BACH2: variants seen among roughly 807,000 people sequenced by gnomAD.
BACH2 encodes the protein BACH transcriptional regulator 2.
Under a neutral mutation model 61.8 loss-of-function variants are expected in BACH2, and 5 were observed. The observed-to-expected ratio is 0.08, with a 90% CI of 0.04 to 0.17. BACH2 has a LOEUF of 0.17. BACH2 is among the 10% of genes least tolerant of loss of function. The pLI is 1.00. For missense variants in BACH2, 824 were observed against 1,091.1 expected, an observed-to-expected ratio of 0.76 and a Z score of 3.45; for synonymous variants, 446 against 440.1, an observed-to-expected ratio of 1.01 and a Z score of -0.17.
chr6:89,951,996 A>G lies in BACH2; in HGVS notation c.244-134T>C. The stretch of plus-strand genomic sequence containing the variant: ...ACTGCAAAGGGGCAGTTAATCTTGT[A>G]GTACTGGGTCAGCAATGATTCTGCT... On this transcript the variant is annotated intron_variant, in intron 6 of 8. Coordinates refer to ENST00000257749, the MANE Select transcript of BACH2 (RefSeq NM_021813.4). The surrounding 1 kb of genome is among the most constrained non-coding windows in gnomAD (Gnocchi z 6.4). 9.7e-7 allele frequency: 1 copy of G among 1,032,606 alleles called. No individual in the cohort carries two copies. The highest frequency in any genetic ancestry group is 1.7e-5 in the South Asian group (1 of 60,180). 64.0% of individuals were successfully genotyped at this position (1,032,606 alleles called of 1,614,324 possible).
At chr6:90,014,451 T>TAG (rs1372141159) in intron 5 of BACH2, among the ~76,000 whole-genome samples, 1 of 79,530 alleles carries the variant, frequency 1.3e-5, no homozygotes, top group East Asian at 3.2e-4. Context: ...TATATATATA[T>TAG]ATATATATAT....
chr6:90,012,128 T>C (rs1777759342), intron 5 of BACH2, among the ~76,000 whole-genome samples: 1 of 152,102 alleles, frequency 6.6e-6, no homozygotes, highest in Non-Finnish European at 1.5e-5. Context: ...TATCATAGTG[T>C]CTTGATTTGC....
At chr6:90,011,932 ATGTGTGTGTGTG>A (rs71027919) in intron 5 of BACH2, among the ~76,000 whole-genome samples, 2,258 of 114,290 alleles carry the variant, frequency 0.02, 39 homozygotes, top group Middle Eastern at 0.028. Context: ...AAAAAAAAAT[ATGTGTGTGTGTG>A]TGTGTGTGTG....
chr6:90,040,959 C>A (rs998193869), intron 5 of BACH2, among the ~76,000 whole-genome samples: 90 of 152,156 alleles, frequency 5.9e-4, no homozygotes, highest in African/African-American at 1.9e-3. Context: ...CATCTTCCAG[C>A]TGATTCACAG....
rs769816700 is a variant in BACH2 at position 89,932,526 on chromosome 6, G to A, written c.2408C>T (p.Thr803Ile). The A allele has an allele frequency of 2.5e-6, 4 of 1,614,076 alleles. No individual in the cohort carries two copies. The highest frequency in any genetic ancestry group is 1.1e-5 in the South Asian group (1 of 91,068). ...GRRLEGTDPG[T>I]FSERGPPLEP... The stretch of plus-strand genomic sequence containing the variant: ...AAGAGGAGGTCCTCTCTCTGAGAAG[G>A]TTCCCGGGTCAGTGCCTTCTAGTCT... Residue 803 changes from threonine to isoleucine, a missense_variant, in exon 9 of 9, where the codon ACC becomes ATC. Thr to Ile is a moderately conservative substitution (Grantham distance 89). Transcript: ENST00000257749.
chr6:90,215,324 A>G (rs1256958453), intron 3 of BACH2, among the ~76,000 whole-genome samples: 1 of 152,124 alleles, frequency 6.6e-6, no homozygotes, highest in Non-Finnish European at 1.5e-5. Flanking sequence ...ACAGACTTAA[A>G]GCCCCAAACA....
chr6:90,042,618 CATGAGCACAT>C (rs1779591906), intron 5 of BACH2, among the ~76,000 whole-genome samples: 1 of 152,146 alleles, frequency 6.6e-6, no homozygotes, highest in African/African-American at 2.4e-5. Flanking sequence ...GGAAACCACA[CATGAGCACAT>C]AAAAACACAT....
chr6:89,984,768 T>A (rs997355395), intron 6 of BACH2, among the ~76,000 whole-genome samples: 1 of 152,228 alleles, frequency 6.6e-6, no homozygotes, highest in African/African-American at 2.4e-5. Flanking sequence ...TAATATTTTC[T>A]CTAATTGCAA....
intron 5 of BACH2, among the ~76,000 whole-genome samples, chr6:90,036,171 T>TC (rs1779253202): frequency 6.6e-6 from 1 of 151,102 alleles, no homozygotes; most frequent in South Asian, 2.1e-4. Flanking sequence ...GCTTTTTTTT[T>TC]CTGGGCTACA....
chr6:89,990,066 A>C (rs1197989773), intron 6 of BACH2, among the ~76,000 whole-genome samples: 1 of 151,982 alleles, frequency 6.6e-6, no homozygotes, highest in East Asian at 1.9e-4. Context: ...TTGCGGGGCC[A>C]CTCCCACAAT....
At chr6:90,115,072 A>G (rs896116765) in intron 4 of BACH2, among the ~76,000 whole-genome samples, 8 of 152,204 alleles carry the variant, frequency 5.3e-5, no homozygotes, top group African/African-American at 1.9e-4. Context: ...GGAATAATCA[A>G]TATCATTAAA....
At chr6:89,989,483 G>C (rs913342267) in intron 6 of BACH2, among the ~76,000 whole-genome samples, 1 of 152,006 alleles carries the variant, frequency 6.6e-6, no homozygotes, top group African/African-American at 2.4e-5. Flanking sequence ...CATACAGAGC[G>C]AGAGAGAGAG....
chr6:90,128,926 G>A (rs1438241819), intron 4 of BACH2, among the ~76,000 whole-genome samples: 3 of 152,118 alleles, frequency 2.0e-5, no homozygotes, highest in African/African-American at 7.2e-5. Flanking sequence ...CATGAATGAA[G>A]CTGGAAACCA....
intron 6 of BACH2, among the ~76,000 whole-genome samples, chr6:90,002,536 G>A (rs952483541): frequency 4.6e-5 from 7 of 152,166 alleles, no homozygotes; most frequent in African/African-American, 1.7e-4. Context: ...TTGGGAGGCC[G>A]AAGCAAGTGG....
chr6:90,287,176 AT>A, intron 1 of BACH2, among the ~76,000 whole-genome samples: 1 of 152,260 alleles, frequency 6.6e-6, no homozygotes, highest in African/African-American at 2.4e-5. Context: ...ACAGCCAGGT[AT>A]TTACCTGCCA....
chr6:90,187,563 G>C (rs1228632364), intron 4 of BACH2, among the ~76,000 whole-genome samples: 1 of 152,178 alleles, frequency 6.6e-6, no homozygotes, highest in African/African-American at 2.4e-5. Context: ...GCTCACTGAG[G>C]ACTCTGCTTT....
At chr6:90,201,234 G>A (rs1405467289) in intron 4 of BACH2, among the ~76,000 whole-genome samples, 3 of 152,136 alleles carry the variant, frequency 2.0e-5, no homozygotes, top group Admixed American at 6.5e-5. Flanking sequence ...TGGGACAAAA[G>A]GTATGTCAAT....
chr6:90,292,672 C>A (rs1420512130), intron 1 of BACH2, among the ~76,000 whole-genome samples: 1 of 152,162 alleles, frequency 6.6e-6, no homozygotes, highest in Non-Finnish European at 1.5e-5. Flanking sequence ...AAATCATCCA[C>A]TATATGCCAG....
chr6:90,244,891 T>A (rs1395077355), intron 3 of BACH2, among the ~76,000 whole-genome samples: 1 of 152,154 alleles, frequency 6.6e-6, no homozygotes, highest in Non-Finnish European at 1.5e-5. Context: ...TAATATAAAT[T>A]ATGCTTTAAA....
Sources: gnomAD v4.1 joint callset for allele counts (sites outside exome capture counted in the v4.1 genomes callset) on GRCh38, gnomAD v4.1.1 for gene constraint, Gnocchi (gnomAD v3.1) non-coding constraint, MANE v1.5 for transcripts, NCBI Gene and HGNC (gene_info 2026-07-23, HGNC 2026-07-21) for gene names.